FLI1: variants seen among roughly 807,000 people sequenced by gnomAD.
The protein encoded by FLI1 is Friend leukemia integration 1 transcription factor.
Under a neutral mutation model 53.1 loss-of-function variants are expected in FLI1, and 13 were observed. The ratio of observed to expected loss-of-function variants is 0.24; its 90% CI spans 0.16 to 0.39. The LOEUF (loss-of-function observed/expected upper bound fraction) is 0.39, where lower values mean the gene tolerates loss of function less well. FLI1 is among the 10% of genes least tolerant of loss of function. The probability of loss-of-function intolerance (pLI) is 1.00; values close to 1 mark genes in which losing one functional copy is unlikely to be tolerated. For synonymous variants in FLI1, 244 were observed against 236.7 expected, an observed-to-expected ratio of 1.03 and a Z score of -0.28; for missense variants, 424 against 600.5, an observed-to-expected ratio of 0.71 and a Z score of 3.07.
chr11:128,714,060 C>T (rs1433317424), intron 1 of FLI1, among the ~76,000 whole-genome samples: 1 of 152,146 alleles, frequency 6.6e-6, no homozygotes, highest in Non-Finnish European at 1.5e-5. Context: ...GCATAGAGTA[C>T]ATATCTATAG....
chr11:128,708,616 C>A (rs1205263612), intron 1 of FLI1, among the ~76,000 whole-genome samples: 1 of 152,078 alleles, frequency 6.6e-6, no homozygotes, highest in African/African-American at 2.4e-5. Flanking sequence ...TCTTGATGAT[C>A]CTCTTCTTCC....
At chr11:128,766,236 G>T (rs1370661467) in intron 2 of FLI1, among the ~76,000 whole-genome samples, 1 of 152,190 alleles carries the variant, frequency 6.6e-6, no homozygotes, top group Non-Finnish European at 1.5e-5. Context: ...AGGTCCTTCC[G>T]CAGCAGAAGC....
intron 3 of FLI1, among the ~76,000 whole-genome samples, chr11:128,770,919 G>A (rs766179083): frequency 1.4e-4 from 21 of 152,194 alleles, no homozygotes; most frequent in Non-Finnish European, 2.8e-4. Context: ...GAGGAGCTCC[G>A]CTTTCTGGCT....
At chr11:128,750,708 A>G (rs1026324212) in intron 1 of FLI1, among the ~76,000 whole-genome samples, 2 of 152,180 alleles carry the variant, frequency 1.3e-5, no homozygotes, top group African/African-American at 4.8e-5. Flanking sequence ...CTCTGATCAC[A>G]TCCCATCACT....
chr11:128,722,312 G>A (rs559990112), intron 1 of FLI1, among the ~76,000 whole-genome samples: 7 of 152,212 alleles, frequency 4.6e-5, no homozygotes, highest in African/African-American at 1.7e-4. Flanking sequence ...CAGAGGAAAA[G>A]CTGACAAGGT....
At chr11:128,796,700 C>T (rs1045305711) in intron 5 of FLI1, among the ~76,000 whole-genome samples, 3 of 152,194 alleles carry the variant, frequency 2.0e-5, no homozygotes, top group South Asian at 2.1e-4. Flanking sequence ...CTTGGCCGGG[C>T]GTGGTGGCTC....
intron 5 of FLI1, among the ~76,000 whole-genome samples, chr11:128,791,407 G>C (rs184731821): frequency 3.9e-5 from 6 of 152,290 alleles, no homozygotes; most frequent in Admixed American, 3.3e-4. Context: ...GGTCAGATCA[G>C]ACAGCATCAC....
intron 1 of FLI1, among the ~76,000 whole-genome samples, chr11:128,731,139 T>G (rs1193702391): frequency 2.0e-5 from 3 of 152,262 alleles, no homozygotes; most frequent in African/African-American, 7.2e-5. Flanking sequence ...CGTTTCCTGT[T>G]GCTCTTGCAG....
At position 128,768,509 on chromosome 11, in the gene FLI1, T is replaced by C. The variant is rs1345133384; in HGVS notation, c.385+237T>C. On this transcript the variant is annotated intron_variant, in intron 3 of 8. Transcript: ENST00000527786. ...GCCTAGCCAACGTGGTGAAACCTCA[T>C]CTCTACTAAAAAAAAAAAAAAATAC... 5 of 442,140 alleles carry C rather than the reference T, an allele frequency of 1.1e-5. No homozygotes were observed. The East Asian group carries it at 1.4e-4, about 12-fold the overall frequency. 27.4% of individuals were successfully genotyped at this position (442,140 alleles called of 1,614,324 possible).
At chr11:128,773,068 C>T (rs952916839) in intron 4 of FLI1, 83 bp downstream of exon 4, 14 of 1,308,898 alleles carry the variant, frequency 1.1e-5, no homozygotes, top group Admixed American at 1.0e-4. Context: ...GCTGCCCGTT[C>T]GTGTTGGGCA....
chr11:128,789,762 A>G (rs1478139625), intron 5 of FLI1, among the ~76,000 whole-genome samples: 1 of 152,026 alleles, frequency 6.6e-6, no homozygotes, highest in Non-Finnish European at 1.5e-5. Flanking sequence ...TGCCTTGTAG[A>G]GTGCAGCGTA....
At chr11:128,686,686 G>C (rs142795171) in exon 1 of FLI1, 147 of 347,080 alleles carry the variant, frequency 4.2e-4, no homozygotes, top group African/African-American at 2.7e-3. Context: ...TCCCCGACAC[G>C]TCGTCTTACA....
chr11:128,798,817 A>G (rs115439277), intron 5 of FLI1, among the ~76,000 whole-genome samples: 2,090 of 152,120 alleles, frequency 0.014, 41 homozygotes, highest in African/African-American at 0.047. Context: ...CTTGGTCCTG[A>G]GCTTCAAGGC....
chr11:128,713,039 C>G (rs1486780550), intron 1 of FLI1, among the ~76,000 whole-genome samples: 1 of 152,268 alleles, frequency 6.6e-6, no homozygotes, highest in Middle Eastern at 3.4e-3. Context: ...TCTTCAGGTA[C>G]ACATCATTGC....
chr11:128,740,527 C>T (rs1214018740), intron 1 of FLI1, among the ~76,000 whole-genome samples: 1 of 152,202 alleles, frequency 6.6e-6, no homozygotes, highest in Non-Finnish European at 1.5e-5. Context: ...CACTTTTTCC[C>T]CCACTTGCCC....
At chr11:128,800,483 G>A (rs1317965808) in intron 5 of FLI1, among the ~76,000 whole-genome samples, 2 of 152,166 alleles carry the variant, frequency 1.3e-5, no homozygotes, top group Non-Finnish European at 2.9e-5. Flanking sequence ...AGAGGCATCA[G>A]AGCAGAAGCA....
rs181515503 is a variant in FLI1, at chr11:128,704,220, G to A, written c.18+9944G>A. Among the ~76,000 whole-genome samples the A allele has an allele frequency of 1.9e-3, 291 of 152,230 alleles. 2 individuals are homozygous for A. Among genetic ancestry groups the A allele is most frequent in the African/African-American group, 6.7e-3 (279 of 41,528 alleles). ...GGGGGTGTGGATGATAGAACCTCACGTAGATGTTCTATCTGATCCTGTGTG... is the reference window on the plus strand; with the variant it reads ...GGGGGTGTGGATGATAGAACCTCACATAGATGTTCTATCTGATCCTGTGTG... On this transcript the variant is annotated intron_variant, in intron 1 of 8. Coordinates refer to ENST00000527786, the MANE Select transcript of FLI1 (RefSeq NM_002017.5).
chr11:128,767,205 T>A (rs545221453), intron 2 of FLI1, among the ~76,000 whole-genome samples: 61 of 152,340 alleles, frequency 4.0e-4, no homozygotes, highest in African/African-American at 1.1e-3. Flanking sequence ...TCTGTAGTTC[T>A]AGGCTAAGTT....
At chr11:128,750,263 C>A (rs903465531) in intron 1 of FLI1, among the ~76,000 whole-genome samples, 1 of 152,162 alleles carries the variant, frequency 6.6e-6, no homozygotes, top group Non-Finnish European at 1.5e-5. Context: ...CACCTCCAGC[C>A]AAGCTGGTCA....
Sources: allele counts gnomAD v4.1 joint callset (sites outside exome capture counted in the v4.1 genomes callset), GRCh38; gene constraint gnomAD v4.1.1; transcripts MANE v1.5; gene names NCBI Gene and HGNC (gene_info 2026-07-23, HGNC 2026-07-21).